The following POLE3 variants were observed in gnomAD, a reference collection of about 807,000 sequenced individuals.
POLE3 encodes DNA polymerase epsilon 3, accessory subunit.
POLE3 carries 10 observed loss-of-function variants against 16.1 expected under a neutral mutation model. That is an observed-to-expected ratio of 0.62 (90% CI 0.38 to 1.05). POLE3 has a LOEUF of 1.05. Among genes scored for constraint, POLE3 ranks in the 50% least tolerant of loss-of-function variants. POLE3 has a pLI of 0.01. For synonymous variants in POLE3, 83 were observed against 71.0 expected (o/e 1.17, Z -0.85); for missense variants, 169 against 185.0 (o/e 0.91, Z 0.50).
Position 113,408,803 on chromosome 9 carries a change from C to A in POLE3, c.*8G>T, listed in dbSNP as rs746183516. ...TACCTTCCAAGGTGCCACAGTCTCCCGCCCTTTTCAGTTGTCTACTTCTTC... is the reference window on the plus strand; with the variant it reads ...TACCTTCCAAGGTGCCACAGTCTCCAGCCCTTTTCAGTTGTCTACTTCTTC... On this transcript the variant is annotated 3_prime_UTR_variant, in exon 5 of 5. Transcript: ENST00000374171. The A allele has an allele frequency of 1.9e-6, 3 of 1,610,996 alleles. No homozygotes were observed. The South Asian group carries it at 3.3e-5, about 18-fold the overall frequency.
chr9:113,408,613 A>C lies in POLE3; in HGVS notation c.*198T>G. 2.0e-6 allele frequency: 1 copy of C among 499,912 alleles called. No individual in the cohort carries two copies. Among genetic ancestry groups the C allele is most frequent in the Non-Finnish European group, 3.6e-6 (1 of 277,680 alleles). The allele number at this position is 499,912 out of a possible 1,614,324, so 31.0% of individuals were successfully genotyped here. Reference sequence around the variant, plus strand: ...CCATAACCTTCAGATTGATGAAGCAAAACAGGATTCTGCTACTCAGATGCT... The same window carrying C: ...CCATAACCTTCAGATTGATGAAGCACAACAGGATTCTGCTACTCAGATGCT... On this transcript the variant is annotated 3_prime_UTR_variant, in exon 5 of 5. Coordinates refer to ENST00000374171, the MANE Select transcript of POLE3 (RefSeq NM_017443.5).
rs1038998516 is a variant in POLE3 at position 113,407,550 on chromosome 9, A to T, written c.*1261T>A. The T allele has an allele frequency of 5.9e-5, 9 of 152,540 alleles. No individual in the cohort carries two copies. The highest frequency in any genetic ancestry group is 2.2e-4 in the African/African-American group (9 of 41,420). 9.4% of individuals were successfully genotyped at this position (152,540 alleles called of 1,614,324 possible). A position where few individuals can be genotyped will look rare whatever the true frequency, so the allele number is the denominator to read the frequency against. On this transcript the variant is annotated 3_prime_UTR_variant, in exon 5 of 5. Coordinates refer to ENST00000374171, the MANE Select transcript of POLE3 (RefSeq NM_017443.5). ...CTTCACAAAATAATTTTTAGAAGAC[A>T]TGAGACAAAATTAGCCAGGCTTGGT...
At position 113,410,375 on chromosome 9, in the gene POLE3, G is replaced by A; in HGVS notation, c.-82C>T. On this transcript the variant is annotated 5_prime_UTR_variant, in exon 2 of 5. Transcript: ENST00000374171. ...CGGACTTCCCGCGTCGCTACGGTCTGACCCTGCGAGGTTTCCGTTCCGCCC... is the reference window on the plus strand; with the variant it reads ...CGGACTTCCCGCGTCGCTACGGTCTAACCCTGCGAGGTTTCCGTTCCGCCC... The A allele has an allele frequency of 7.5e-7, 1 of 1,339,616 alleles. No homozygotes were observed. Among genetic ancestry groups the A allele is most frequent in the Non-Finnish European group, 1.0e-6 (1 of 956,456 alleles). The allele number at this position is 1,339,616 out of a possible 1,614,324, so 83.0% of individuals were successfully genotyped here.
Position 113,408,658 on chromosome 9 carries a change from G to A in POLE3, c.*153C>T, listed in dbSNP as rs1289673897. The A allele has an allele frequency of 1.2e-5, 8 of 653,482 alleles. No homozygotes were observed. The highest frequency in any genetic ancestry group is 1.9e-5 in the Non-Finnish European group (7 of 370,756). The allele number at this position is 653,482 out of a possible 1,614,324, so 40.5% of individuals were successfully genotyped here. On this transcript the variant is annotated 3_prime_UTR_variant, in exon 5 of 5. Transcript: ENST00000374171. ...GATGCTCTGAGTTTGGTAAGTGCTGGTTTTGACGGTATTTCTAGTCAGTTT... is the reference window on the plus strand; with the variant it reads ...GATGCTCTGAGTTTGGTAAGTGCTGATTTTGACGGTATTTCTAGTCAGTTT...
chr9:113,409,359 C>CAAAA (rs35481754), intron 4 of POLE3, among the ~76,000 whole-genome samples: 4 of 89,488 alleles, frequency 4.5e-5, no homozygotes, highest in Admixed American at 1.3e-4. Flanking sequence ...GACTCCGTCT[C>CAAAA]AAAAAAAAAA....
chr9:113,409,008 G>C (rs1828001411), intron 4 of POLE3, 25 bp from the exon 5 acceptor site: 1 of 1,609,178 alleles, frequency 6.2e-7, no homozygotes, highest in South Asian at 1.1e-5. Flanking sequence ...CAAGGGGTTA[G>C]GAGACAGAGC....
At position 113,407,326 on chromosome 9, in the gene POLE3, G is replaced by C. The variant is rs903875151; in HGVS notation, c.*1485C>G. On this transcript the variant is annotated 3_prime_UTR_variant, in exon 5 of 5. Coordinates refer to ENST00000374171, the MANE Select transcript of POLE3 (RefSeq NM_017443.5). The stretch of plus-strand genomic sequence containing the variant: ...TTTCACTGTATTTAACAAGTTAACA[G>C]TGTCAAACTACACGTCACTACCTGT... 1.3e-5 allele frequency: 2 copies of C among 152,542 alleles called. No individual in the cohort carries two copies. Among genetic ancestry groups the C allele is most frequent in the African/African-American group, 4.8e-5 (2 of 41,448 alleles). 9.4% of individuals were successfully genotyped at this position (152,542 alleles called of 1,614,324 possible).
chr9:113,409,323 G>A (rs1431095961), intron 4 of POLE3, among the ~76,000 whole-genome samples: 2 of 138,044 alleles, frequency 1.4e-5, no homozygotes, highest in Admixed American at 7.9e-5. Flanking sequence ...TCCCATCACT[G>A]CACTCCAGCT....
In POLE3 at chr9:113,408,739, A is replaced by C. The variant is rs1827989097; in HGVS notation, c.*72T>G. 3.9e-6 allele frequency: 5 copies of C among 1,280,070 alleles called. No individual in the cohort carries two copies. The highest frequency in any genetic ancestry group is 4.5e-6 in the Non-Finnish European group (4 of 897,382). 79.3% of individuals were successfully genotyped at this position (1,280,070 alleles called of 1,614,324 possible). On this transcript the variant is annotated 3_prime_UTR_variant, in exon 5 of 5. Transcript: ENST00000374171. Reference sequence around the variant, plus strand: ...GAGACTACTCTGCCCAGCATGGAAAAGCTTCACAGAAACACGTAGCACGTC... The same window carrying C: ...GAGACTACTCTGCCCAGCATGGAAACGCTTCACAGAAACACGTAGCACGTC...
Position 113,410,318 on chromosome 9 carries a change from C to A in POLE3, c.-25G>T. On this transcript the variant is annotated 5_prime_UTR_variant, in exon 2 of 5. Transcript: ENST00000374171. ...TTGCCGCCGCTGGGGCTTAAACTCC[C>A]CTTCGCCTCCGCTTCAGGGAGCTAC... 1 of 1,607,168 alleles carries A rather than the reference C, an allele frequency of 6.2e-7. No individual in the cohort carries two copies. Among genetic ancestry groups the A allele is most frequent in the African/African-American group, 1.3e-5 (1 of 74,916 alleles).
At position 113,409,628 on chromosome 9, in the gene POLE3, A is replaced by G. The variant is rs771009190; in HGVS notation, c.253T>C (p.Leu85=). ...EMEFQRFVTP[L]KEALEAYRRE... is the part of the protein sequence containing the mutation. ...TCGTTACCTTCCAGAGCTTCTTTCA[A>G]TGGGGTAACGAACCGCTGGAACTCC... Residue 85 remains leucine (L), a synonymous_variant, in exon 4 of 5, where the codon TTG becomes CTG. Transcript: ENST00000374171. 1.9e-6 allele frequency: 3 copies of G among 1,603,180 alleles called. No homozygotes were observed. The highest frequency in any genetic ancestry group is 1.7e-4 in the Middle Eastern group (1 of 5,978).
chr9:113,410,701 G>T (rs34644152), upstream of POLE3: 3,350 of 242,148 alleles, frequency 0.014, 113 homozygotes, highest in African/African-American at 0.07. Flanking sequence ...CGGGCGCAGC[G>T]CGTGGGAGAC....
rs1289919003 is a variant in POLE3 at position 113,407,656 on chromosome 9, G to C, written c.*1155C>G. 6.6e-6 allele frequency: 1 copy of C among 152,386 alleles called. No homozygotes were observed. Among genetic ancestry groups the C allele is most frequent in the East Asian group, 1.9e-4 (1 of 5,202 alleles). The allele number at this position is 152,386 out of a possible 1,614,324, so 9.4% of individuals were successfully genotyped here. On this transcript the variant is annotated 3_prime_UTR_variant, in exon 5 of 5. Transcript: ENST00000374171. ...GCCCAGGATTTCAAGGATGCAATGA[G>C]CTATGATCATGCCACTGCACTCCAG...
At chr9:113,410,017 G>A (rs756395540) in intron 3 of POLE3, 38 bp downstream of exon 3, 16 of 1,507,056 alleles carry the variant, frequency 1.1e-5, no homozygotes, top group Admixed American at 2.0e-5. Flanking sequence ...TCCCAGCCAG[G>A]TATCCCCGCG....
At chr9:113,409,483 T>C in intron 4 of POLE3, 127 bp downstream of exon 4, 1 of 662,682 alleles carries the variant, frequency 1.5e-6, no homozygotes, top group African/African-American at 1.8e-5. Context: ...CCGAACTGGG[T>C]CGAGTCACAT....
In POLE3 at chr9:113,409,760, CTT is replaced by C. The variant is rs35765626; in HGVS notation, c.153-34_153-33del. 1,186 of 1,420,736 alleles carry C rather than the reference CTT, an allele frequency of 8.3e-4. 2 individuals carry two copies. Among genetic ancestry groups the C allele is most frequent in the Middle Eastern group, 5.6e-3 (31 of 5,560 alleles). The allele number at this position is 1,420,736 out of a possible 1,614,324, so 88.0% of individuals were successfully genotyped here. On this transcript the variant is annotated intron_variant, in intron 3 of 4. Coordinates refer to ENST00000374171, the MANE Select transcript of POLE3 (RefSeq NM_017443.5). ...GAAGAGAAAGGCTGTCAGACTCCCTCTTGTTTGTAAGGCGTGAGTGGGAAAAG... is the reference window on the plus strand; with the variant it reads ...GAAGAGAAAGGCTGTCAGACTCCCTCGTTTGTAAGGCGTGAGTGGGAAAAG...
rs908141868 is a variant in POLE3, at chr9:113,408,219, C to G, written c.*592G>C. On this transcript the variant is annotated 3_prime_UTR_variant, in exon 5 of 5. Transcript: ENST00000374171. ...CAGGCAATATAGAAAGGTTTTGGGCCAAGTGGGTCTATGAAAAACAAAATT... is the reference window on the plus strand; with the variant it reads ...CAGGCAATATAGAAAGGTTTTGGGCGAAGTGGGTCTATGAAAAACAAAATT... The G allele has an allele frequency of 2.0e-4, 30 of 152,270 alleles. No individual in the cohort carries two copies. The highest frequency in any genetic ancestry group is 6.5e-4 in the African/African-American group (27 of 41,412). The allele number at this position is 152,270 out of a possible 1,614,324, so 9.4% of individuals were successfully genotyped here. A position where few individuals can be genotyped will look rare whatever the true frequency, so the allele number is the denominator to read the frequency against.
rs200862528 is a variant in POLE3 at position 113,409,754 on chromosome 9, C to T, written c.153-26G>A. ...CTGAGAGAAGAGAAAGGCTGTCAGA[C>T]TCCCTCTTGTTTGTAAGGCGTGAGT... is the stretch of plus-strand genomic sequence containing the variant. On this transcript the variant is annotated intron_variant, in intron 3 of 4. Coordinates refer to ENST00000374171, the MANE Select transcript of POLE3 (RefSeq NM_017443.5). The T allele has an allele frequency of 2.3e-4, 338 of 1,449,388 alleles. 1 individual carries two copies. Among genetic ancestry groups the T allele is most frequent in the Middle Eastern group, 3.5e-4 (2 of 5,664 alleles). The allele number at this position is 1,449,388 out of a possible 1,614,324, so 89.8% of individuals were successfully genotyped here.
At position 113,410,147 on chromosome 9, in the gene POLE3, G is replaced by A. The variant is rs113838522; in HGVS notation, c.67-7C>T. 2.2e-5 allele frequency: 36 copies of A among 1,602,208 alleles called. 2 individuals carry two copies. The highest frequency in any genetic ancestry group is 1.3e-4 in the East Asian group (6 of 44,492). On this transcript the variant is annotated splice_polypyrimidine_tract_variant and splice_region_variant and intron_variant, in intron 2 of 4. Transcript: ENST00000374171. ...TGTTGACACCGTCCGGGAGCTGCGA[G>A]GAGACCGGGGGTGAGCAAAGCTGCC...
Sources: gnomAD v4.1 joint callset for allele counts (sites outside exome capture counted in the v4.1 genomes callset) on GRCh38, gnomAD v4.1.1 for gene constraint, MANE v1.5 for transcripts, NCBI Gene and HGNC (gene_info 2026-07-23, HGNC 2026-07-21) for gene names.